DTNB: variants seen among roughly 807,000 people sequenced by gnomAD.
The protein encoded by DTNB is dystrobrevin beta, also known as DTN-B.
Under a neutral mutation model 90.7 loss-of-function variants are expected in DTNB, and 63 were observed. The ratio of observed to expected loss-of-function variants is 0.69; its 90% CI spans 0.57 to 0.86. The LOEUF is 0.86. DTNB is among the 40% of genes least tolerant of loss of function. The probability of loss-of-function intolerance (pLI) is 0.00; values close to 1 mark genes in which losing one functional copy is unlikely to be tolerated. For synonymous variants in DTNB, 277 were observed against 286.7 expected, an observed-to-expected ratio of 0.97 and a Z score of 0.34; for missense variants, 744 against 807.1, an observed-to-expected ratio of 0.92 and a Z score of 0.95.
At chr2:25,566,644 A>G (rs1177229630) in intron 8 of DTNB, among the ~76,000 whole-genome samples, 1 of 152,194 alleles carries the variant, frequency 6.6e-6, no homozygotes, top group Non-Finnish European at 1.5e-5. Flanking sequence ...AATCCCTAAT[A>G]GTCAACAGTC....
At chr2:25,451,487 C>G in intron 12 of DTNB, 61 bp downstream of exon 12, 1 of 1,517,284 alleles carries the variant, frequency 6.6e-7, no homozygotes, top group Non-Finnish European at 8.9e-7. Context: ...ATTCCCTTTC[C>G]ATTTGCATAT....
At chr2:25,587,380 C>T (rs1036876793) in intron 6 of DTNB, among the ~76,000 whole-genome samples, 47 of 152,172 alleles carry the variant, frequency 3.1e-4, no homozygotes, top group Non-Finnish European at 1.6e-4. Flanking sequence ...CAGGGTCCTT[C>T]GTTTTTTGGG....
At chr2:25,546,997 C>G (rs765525881) in intron 8 of DTNB, among the ~76,000 whole-genome samples, 10 of 152,070 alleles carry the variant, frequency 6.6e-5, no homozygotes, top group African/African-American at 2.4e-4. Context: ...AAGGCATACA[C>G]CACTGTGCTA....
intron 9 of DTNB, among the ~76,000 whole-genome samples, chr2:25,500,713 C>T (rs2070386565): frequency 6.6e-6 from 1 of 151,876 alleles, no homozygotes; most frequent in African/African-American, 2.4e-5. Context: ...ATGCGGAGAG[C>T]TCACCCTCCT....
chr2:25,657,713 CCT>C (rs2082331801), intron 1 of DTNB, among the ~76,000 whole-genome samples: 1 of 151,812 alleles, frequency 6.6e-6, no homozygotes, highest in Non-Finnish European at 1.5e-5. Flanking sequence ...GGAGCAAAAC[CCT>C]GTCTCAAACA....
At chr2:25,409,836 G>T (rs923198338) in intron 16 of DTNB, among the ~76,000 whole-genome samples, 1 of 152,158 alleles carries the variant, frequency 6.6e-6, no homozygotes, top group African/African-American at 2.4e-5. Context: ...GTGTTGAAGG[G>T]TTCCAAGTCT....
At chr2:25,549,129 TTTG>T (rs1469044238) in intron 8 of DTNB, among the ~76,000 whole-genome samples, 2 of 152,024 alleles carry the variant, frequency 1.3e-5, no homozygotes, top group South Asian at 2.1e-4. Flanking sequence ...CTAAGTGGTT[TTTG>T]TTGTTTTCTT....
At chr2:25,428,971 C>T (rs2052887076) in intron 14 of DTNB, among the ~76,000 whole-genome samples, 1 of 152,192 alleles carries the variant, frequency 6.6e-6, no homozygotes, top group South Asian at 2.1e-4. Context: ...ATGTTCATTT[C>T]ATCATCCCAT....
At chr2:25,501,134 C>A (rs1447485207) in intron 9 of DTNB, among the ~76,000 whole-genome samples, 1 of 151,542 alleles carries the variant, frequency 6.6e-6, no homozygotes, top group African/African-American at 2.4e-5. Flanking sequence ...AGACAAAAAA[C>A]AAAACAAAAC....
chr2:25,537,812 G>A (rs2080176415), intron 8 of DTNB, among the ~76,000 whole-genome samples: 1 of 152,132 alleles, frequency 6.6e-6, no homozygotes, highest in South Asian at 2.1e-4. Context: ...AAAATTTAAG[G>A]AAGCAAAGAG....
intron 3 of DTNB, among the ~76,000 whole-genome samples, chr2:25,637,027 C>T (rs2077262906): frequency 6.6e-6 from 1 of 151,856 alleles, no homozygotes; most frequent in African/African-American, 2.4e-5. Flanking sequence ...AAAACCAGGT[C>T]TAACAGAGCC....
At chr2:25,535,021 A>ACTT in intron 8 of DTNB, among the ~76,000 whole-genome samples, 1 of 139,186 alleles carries the variant, frequency 7.2e-6, no homozygotes, top group South Asian at 2.4e-4. Context: ...GGCGCTCCTC[A>ACTT]CCTCCCAGAC....
rs763226250 is a variant in DTNB, at chr2:25,651,415, T to C, written c.67+1179A>G. 8.1e-4 allele frequency among the ~76,000 whole-genome samples: 123 copies of C among 152,348 alleles called. 1 individual carries two copies. The highest frequency in any genetic ancestry group is 1.4e-3 in the African/African-American group (59 of 41,574). On this transcript the variant is annotated intron_variant, in intron 2 of 20. Coordinates refer to ENST00000406818, the MANE Select transcript of DTNB (RefSeq NM_021907.5). Reference sequence around the variant, plus strand: ...GGCGTGACGAACAGATTCAAACTCATGTACATAGTAAAACTCAGATGCCTT... The same window carrying C: ...GGCGTGACGAACAGATTCAAACTCACGTACATAGTAAAACTCAGATGCCTT...
chr2:25,618,398 T>C (rs1037695536), intron 4 of DTNB, among the ~76,000 whole-genome samples: 7 of 152,188 alleles, frequency 4.6e-5, no homozygotes, highest in Admixed American at 1.3e-4. Context: ...ACTGGTCAAG[T>C]TGAAACTGAA....
chr2:25,557,981 C>G (rs2057648906), intron 8 of DTNB, among the ~76,000 whole-genome samples: 1 of 152,156 alleles, frequency 6.6e-6, no homozygotes, highest in South Asian at 2.1e-4. Context: ...GAACTAAGAA[C>G]TGCAGAAATT....
intron 1 of DTNB, among the ~76,000 whole-genome samples, chr2:25,661,575 T>C (rs1254854625): frequency 6.6e-6 from 1 of 152,222 alleles, no homozygotes; most frequent in Non-Finnish European, 1.5e-5. Context: ...ATGAGGTACA[T>C]GGAGGAGCTT....
intron 12 of DTNB, among the ~76,000 whole-genome samples, chr2:25,434,836 G>A (rs1025807790): frequency 6.6e-6 from 1 of 152,072 alleles, no homozygotes; most frequent in Non-Finnish European, 1.5e-5. Flanking sequence ...TAATAAATGA[G>A]ATTTCCAATT....
intron 4 of DTNB, 89 bp from the exon 5 acceptor site, chr2:25,607,410 T>C (rs1315488077): frequency 5.6e-6 from 7 of 1,256,786 alleles, no homozygotes; most frequent in Admixed American, 4.6e-5. Context: ...ACCCAGTAAG[T>C]TGATTCCTGA....
chr2:25,498,987 G>A (rs775903920), intron 9 of DTNB, among the ~76,000 whole-genome samples: 86 of 151,586 alleles, frequency 5.7e-4, no homozygotes, highest in African/African-American at 1.3e-3. Flanking sequence ...AGGCCAAGGC[G>A]GGTGGATCAC....
Sources: allele counts gnomAD v4.1 joint callset (sites outside exome capture counted in the v4.1 genomes callset), GRCh38; gene constraint gnomAD v4.1.1; transcripts MANE v1.5; gene names NCBI Gene and HGNC (gene_info 2026-07-23, HGNC 2026-07-21).